RNF121: variants seen among roughly 807,000 people sequenced by gnomAD.
RNF121 encodes E3 ubiquitin ligase RNF121.
RNF121 carries 21 observed loss-of-function variants against 46.5 expected under a neutral mutation model. The observed-to-expected ratio is 0.45, with a 90% CI of 0.32 to 0.65. RNF121 has a LOEUF of 0.65. RNF121 is among the 30% of genes least tolerant of loss of function. RNF121 has a pLI of 0.04. For missense variants in RNF121, 346 were observed against 416.0 expected, an observed-to-expected ratio of 0.83 and a Z score of 1.46; for synonymous variants, 139 against 144.7, an observed-to-expected ratio of 0.96 and a Z score of 0.28.
At chr11:71,995,663 A>G in intron 8 of RNF121, 112 bp downstream of exon 8, 1 of 763,292 alleles carries the variant, frequency 1.3e-6, no homozygotes, top group Non-Finnish European at 2.2e-6. Flanking sequence ...CAACCAGAAC[A>G]TGTCAAACCA....
At chr11:71,938,797 C>T (rs1455141613) in intron 1 of RNF121, 1 of 152,988 alleles carries the variant, frequency 6.5e-6, no homozygotes, top group Non-Finnish European at 1.5e-5. Context: ...CAGGGGAGCT[C>T]ATGTATAGGT....
At chr11:71,978,993 G>A (rs1396190729) in intron 3 of RNF121, among the ~76,000 whole-genome samples, 1 of 152,166 alleles carries the variant, frequency 6.6e-6, no homozygotes, top group Admixed American at 6.5e-5. Context: ...TGGTCTGAAG[G>A]CTAACAGAAT....
intron 3 of RNF121, among the ~76,000 whole-genome samples, chr11:71,974,038 T>C (rs1477803734): frequency 1.3e-5 from 2 of 151,918 alleles, no homozygotes; most frequent in African/African-American, 4.8e-5. Flanking sequence ...GCCTCCCGGG[T>C]TCACGCCATT....
intron 3 of RNF121, among the ~76,000 whole-genome samples, chr11:71,982,379 CTGTT>C (rs1954682217): frequency 7.0e-6 from 1 of 143,186 alleles, no homozygotes; most frequent in African/African-American, 2.6e-5. Context: ...TATCCTTTGA[CTGTT>C]TAAGGGTTTT....
chr11:71,953,127 G>A (rs1225032914), intron 1 of RNF121, among the ~76,000 whole-genome samples: 1 of 152,164 alleles, frequency 6.6e-6, no homozygotes, highest in Non-Finnish European at 1.5e-5. Flanking sequence ...TCAAACTCCT[G>A]GGCTTAAGCA....
At chr11:71,990,788 T>C in intron 6 of RNF121, 71 bp downstream of exon 6, 4 of 1,575,660 alleles carry the variant, frequency 2.5e-6, no homozygotes, top group South Asian at 2.3e-5. Flanking sequence ...GTCACTTGTT[T>C]AATGGAAGAG....
At chr11:71,990,896 A>C (rs1012742998) in intron 6 of RNF121, 179 bp downstream of exon 6, 2 of 740,840 alleles carry the variant, frequency 2.7e-6, no homozygotes, top group African/African-American at 3.5e-5. Context: ...ACAGCCATAA[A>C]AAAAGATAAA....
At chr11:71,980,195 G>A (rs1247158091) in intron 3 of RNF121, among the ~76,000 whole-genome samples, 1 of 152,152 alleles carries the variant, frequency 6.6e-6, no homozygotes, top group Non-Finnish European at 1.5e-5. Context: ...TTCCTATGTA[G>A]TGAATTGTTA....
At chr11:71,944,688 T>G (rs1426735241) in intron 1 of RNF121, among the ~76,000 whole-genome samples, 1 of 152,126 alleles carries the variant, frequency 6.6e-6, no homozygotes, top group African/African-American at 2.4e-5. Context: ...CAGGCAGCAT[T>G]AGGACACCAG....
At chr11:71,963,397 C>T (rs932751949) in intron 3 of RNF121, among the ~76,000 whole-genome samples, 89 of 151,922 alleles carry the variant, frequency 5.9e-4, no homozygotes, top group African/African-American at 1.9e-3. Context: ...CTGAGGTGGG[C>T]GGATCACAAG....
intron 1 of RNF121, chr11:71,939,280 A>C (rs1953504034): frequency 5.4e-6 from 1 of 185,136 alleles, no homozygotes; most frequent in Non-Finnish European, 1.1e-5. Context: ...TTGGTCCACT[A>C]ACCCTGTGCC....
At chr11:71,969,325 CATACTT>C (rs1954369567) in intron 3 of RNF121, among the ~76,000 whole-genome samples, 3 of 152,032 alleles carry the variant, frequency 2.0e-5, no homozygotes. Flanking sequence ...ATGCATATGA[CATACTT>C]ATAAAAAGAC....
intron 1 of RNF121, among the ~76,000 whole-genome samples, chr11:71,948,118 C>T (rs1421589048): frequency 2.0e-5 from 3 of 151,772 alleles, no homozygotes; most frequent in Non-Finnish European, 2.9e-5. Context: ...AGAGGAGGGC[C>T]AGAGAGGGAG....
intron 3 of RNF121, among the ~76,000 whole-genome samples, chr11:71,970,910 A>G (rs1954406930): frequency 6.6e-6 from 1 of 152,192 alleles, no homozygotes; most frequent in Admixed American, 6.5e-5. Context: ...GGAATTTAAT[A>G]TATAATAAAG....
intron 3 of RNF121, among the ~76,000 whole-genome samples, chr11:71,981,543 C>G (rs1232621220): frequency 2.6e-5 from 4 of 152,118 alleles, no homozygotes; most frequent in Non-Finnish European, 5.9e-5. Context: ...AGGATGACAT[C>G]TAGTGACAGA....
At position 71,994,574 on chromosome 11, in the gene RNF121, TAAA is replaced by T. The variant is rs894497608; in HGVS notation, c.628-136_628-134del. 3 of 728,212 alleles carry T rather than the reference TAAA, an allele frequency of 4.1e-6. No homozygotes were observed. The African/African-American group carries it at 5.6e-5, about 14-fold the overall frequency. 45.1% of individuals were successfully genotyped at this position (728,212 alleles called of 1,614,324 possible). A position where few individuals can be genotyped will look rare whatever the true frequency, so the allele number is the denominator to read the frequency against. On this transcript the variant is annotated intron_variant, in intron 6 of 8. Transcript: ENST00000361756. ...AAAAGATTACCTTTTCTAAACAGTT[TAAA>T]AAAAAAAAGATGTCCTCTAACTCTG...
chr11:71,996,214 ATGTATGGGC>A lies in RNF121; in HGVS notation c.884_892del (p.Met295_Gln298delinsLys). Reference sequence around the variant, plus strand: ...TGACAGCTGGGAGAGGCCTCACGTCATGTATGGGCAACTGCTGGACTGGCTTCGATACTT... The same window carrying A: ...TGACAGCTGGGAGAGGCCTCACGTCAAACTGCTGGACTGGCTTCGATACTT... On this transcript the variant is annotated inframe_deletion, in exon 9 of 9. Transcript: ENST00000361756. 1 of 1,614,132 alleles carries A rather than the reference ATGTATGGGC, an allele frequency of 6.2e-7. No individual in the cohort carries two copies.
At chr11:71,991,969 C>G (rs779522244) in intron 6 of RNF121, among the ~76,000 whole-genome samples, 1 of 149,966 alleles carries the variant, frequency 6.7e-6, no homozygotes, top group South Asian at 2.1e-4. Flanking sequence ...AAAAAAAAAA[C>G]CTAGCCGGGC....
intron 1 of RNF121, among the ~76,000 whole-genome samples, chr11:71,955,284 T>G: frequency 6.6e-6 from 1 of 152,180 alleles, no homozygotes. Context: ...TGAGACTGAA[T>G]GACTAACATA....
Sources: gnomAD v4.1 joint callset for allele counts (sites outside exome capture counted in the v4.1 genomes callset) on GRCh38, gnomAD v4.1.1 for gene constraint, MANE v1.5 for transcripts, NCBI Gene and HGNC (gene_info 2026-07-23, HGNC 2026-07-21) for gene names.